The following FIBP variants were observed in gnomAD, a reference collection of about 807,000 sequenced individuals.
The protein encoded by FIBP is FGF1 intracellular binding protein, also known as acidic fibroblast growth factor intracellular-binding protein.
A neutral mutation model predicts 40.5 loss-of-function variants in FIBP; 29 were observed. That is an observed-to-expected ratio of 0.72 (90% CI 0.53 to 0.98). The LOEUF (loss-of-function observed/expected upper bound fraction) is 0.98, where lower values mean the gene tolerates loss of function less well. FIBP is among the 50% of genes least tolerant of loss of function. The probability of loss-of-function intolerance (pLI) is 0.00; values close to 1 mark genes in which losing one functional copy is unlikely to be tolerated. For synonymous variants in FIBP, 215 were observed against 191.1 expected (o/e 1.13, Z -1.03); for missense variants, 411 against 470.2 (o/e 0.87, Z 1.16).
intron 9 of FIBP, 78 bp from the exon 10 acceptor site, chr11:65,884,121 C>T (rs1565279901): frequency 8.9e-7 from 1 of 1,121,528 alleles, no homozygotes; most frequent in Non-Finnish European, 1.3e-6. Flanking sequence ...GTGCTTTCTA[C>T]ACCTTCATTC....
Position 65,885,770 on chromosome 11 carries a change from T to A in FIBP, c.513-107A>T. ...GTCCGAGTTCTGGCCTCTCTCTGCCTCAAGTCACTGTGTGACGTGTCTCAA... is the reference window on the plus strand; with the variant it reads ...GTCCGAGTTCTGGCCTCTCTCTGCCACAAGTCACTGTGTGACGTGTCTCAA... On this transcript the variant is annotated intron_variant, in intron 4 of 9. Transcript: ENST00000357519. The A allele has an allele frequency of 2.7e-6, 3 of 1,128,852 alleles. No individual in the cohort carries two copies. The South Asian group carries it at 4.4e-5, about 17-fold the overall frequency. 69.9% of individuals were successfully genotyped at this position (1,128,852 alleles called of 1,614,324 possible).
At position 65,884,055 on chromosome 11, in the gene FIBP, T is replaced by G; in HGVS notation, c.1005-12A>C. On this transcript the variant is annotated splice_polypyrimidine_tract_variant and intron_variant, in intron 9 of 9. Transcript: ENST00000357519. The stretch of plus-strand genomic sequence containing the variant: ...AGAGGGCCTGGTGTCTGTAAGAACA[T>G]GAACAGTGACAGCTGAGTTTTCACA... 2 of 1,611,136 alleles carry G rather than the reference T, an allele frequency of 1.2e-6. No homozygotes were observed. The highest frequency in any genetic ancestry group is 1.7e-6 in the Non-Finnish European group (2 of 1,178,030).
chr11:65,887,751 G>T, intron 2 of FIBP, 25 bp from the exon 3 acceptor site: 2 of 1,610,932 alleles, frequency 1.2e-6, no homozygotes, highest in South Asian at 1.1e-5. Context: ...GAACACCATT[G>T]ACCCTCCATA....
At position 65,885,083 on chromosome 11, in the gene FIBP, G is replaced by C; in HGVS notation, c.750C>G (p.His250Gln). 1.2e-6 allele frequency: 2 copies of C among 1,613,926 alleles called. No individual in the cohort carries two copies. The highest frequency in any genetic ancestry group is 1.7e-6 in the Non-Finnish European group (2 of 1,179,830). ...LVADKDLLDLHKSLVCTALRG... is the reference protein window; with the variant it reads ...LVADKDLLDLQKSLVCTALRG... ...ATGGGCCCCTACAAGGTCACCTCTTGTGCAGGTCCAGAAGGTCCTTGTCAG... is the reference window on the plus strand; with the variant it reads ...ATGGGCCCCTACAAGGTCACCTCTTCTGCAGGTCCAGAAGGTCCTTGTCAG... The change falls in exon 6 of 10, where the codon CAC (histidine) becomes CAG (glutamine). Residue 250 changes from histidine (H) to glutamine (Q), a missense_variant. Coordinates refer to ENST00000357519, the MANE Select transcript of FIBP (RefSeq NM_004214.5).
intron 4 of FIBP, 88 bp from the exon 5 acceptor site, chr11:65,885,751 G>T: frequency 7.5e-7 from 1 of 1,325,276 alleles, no homozygotes; most frequent in Non-Finnish European, 1.0e-6. Flanking sequence ...GGGTGTCCGA[G>T]TTCTGGCCTC....
At chr11:65,885,765 C>G (rs1241422659) in intron 4 of FIBP, 102 bp from the exon 5 acceptor site, 3 of 1,170,514 alleles carry the variant, frequency 2.6e-6, no homozygotes, top group Non-Finnish European at 3.7e-6. Context: ...TGGCCTCTCT[C>G]TGCCTCAAGT....
At position 65,887,542 on chromosome 11, in the gene FIBP, C is replaced by G. The variant is rs1269084340; in HGVS notation, c.411+58G>C. ...CAGAGGCTGGAACTGGGCCAGTGGCCAAAGGGAGGGAGTGAAGTGTAGATG... is the reference window on the plus strand; with the variant it reads ...CAGAGGCTGGAACTGGGCCAGTGGCGAAAGGGAGGGAGTGAAGTGTAGATG... On this transcript the variant is annotated intron_variant, in intron 3 of 9. Transcript: ENST00000357519. 9 of 1,600,118 alleles carry G rather than the reference C, an allele frequency of 5.6e-6. No individual in the cohort carries two copies. In the Admixed American group the frequency reaches 1.5e-4, roughly 27 times the overall value.
At chr11:65,887,463 A>AG (rs56831981) in intron 3 of FIBP, 137 bp downstream of exon 3, 1 of 934,152 alleles carries the variant, frequency 1.1e-6, no homozygotes. Context: ...AAAAAAAAAA[A>AG]GGAGGGGAAA....
chr11:65,888,390 C>T lies in FIBP; in HGVS notation c.29G>A (p.Gly10Glu). 5.1e-6 allele frequency: 8 copies of T among 1,567,162 alleles called. No individual in the cohort carries two copies. Among genetic ancestry groups the T allele is most frequent in the Non-Finnish European group, 6.1e-6 (7 of 1,155,504 alleles). Residue 10 changes from glycine (G) to glutamate (E), a missense_variant, in exon 1 of 10, where the codon GGG becomes GAG. Transcript: ENST00000357519. ...GTCCTCGTCGATAAGGGTCGTGTTCCCCACGAAGATGTCCAGCTCACTGGT... is the reference window on the plus strand; with the variant it reads ...GTCCTCGTCGATAAGGGTCGTGTTCTCCACGAAGATGTCCAGCTCACTGGT... MTSELDIFV[G>E]NTTLIDEDVY... is the part of the protein sequence containing the mutation.
In FIBP at chr11:65,885,163, T is replaced by A. The variant is rs902562855; in HGVS notation, c.670A>T (p.Met224Leu). Residue 224 changes from methionine to leucine, a missense_variant, in exon 6 of 10, where the codon ATG (methionine) becomes TTG (leucine). Coordinates refer to ENST00000357519, the MANE Select transcript of FIBP (RefSeq NM_004214.5). ...TGGAGAAATTCCTTGTCTAAGTCCA[T>A]GTCCATGTCATCCATCTGTGAGTCT... ...AVDSQMDDMD[M>L]DLDKEFLQDL... 5.0e-6 allele frequency: 8 copies of A among 1,605,206 alleles called. No individual in the cohort carries two copies. Among genetic ancestry groups the A allele is most frequent in the Middle Eastern group, 1.7e-4 (1 of 6,042 alleles).
At position 65,884,009 on chromosome 11, in the gene FIBP, G is replaced by C. The variant is rs1205480135; in HGVS notation, c.1039C>G (p.Leu347Val). 6.2e-7 allele frequency: 1 copy of C among 1,613,892 alleles called. No individual in the cohort carries two copies. Among genetic ancestry groups the C allele is most frequent in the Non-Finnish European group, 8.5e-7 (1 of 1,179,996 alleles). Residue 347 changes from leucine (L) to valine (V), a missense_variant, in exon 10 of 10, where the codon CTC becomes GTC. Physicochemically the swap from Leu to Val is conservative, Grantham distance 32. Coordinates refer to ENST00000357519, the MANE Select transcript of FIBP (RefSeq NM_004214.5). ...QALWDRYMGT[L>V]RGCLLRLYHD ...TACAGGCGCAGGAGGCAGCCGCGGA[G>C]GGTGCCCATGTAGCGGTCCCAGAGG...
intron 3 of FIBP, 121 bp downstream of exon 3, chr11:65,887,479 A>C: frequency 4.9e-6 from 5 of 1,028,956 alleles, no homozygotes; most frequent in Non-Finnish European, 7.5e-6. Context: ...GGAAAGGGGA[A>C]GGGAGGAGAA....
chr11:65,885,747 C>A, intron 4 of FIBP, 84 bp from the exon 5 acceptor site: 1 of 1,382,708 alleles, frequency 7.2e-7, no homozygotes. Flanking sequence ...AGCTGGGTGT[C>A]CGAGTTCTGG....
chr11:65,885,194 GC>G lies in FIBP; in HGVS notation c.647-9del. The G allele has an allele frequency of 1.7e-6, 2 of 1,195,342 alleles. No homozygotes were observed. Among genetic ancestry groups the G allele is most frequent in the Non-Finnish European group, 2.4e-6 (2 of 816,626 alleles). The allele number at this position is 1,195,342 out of a possible 1,614,324, so 74.0% of individuals were successfully genotyped here. A position where few individuals can be genotyped will look rare whatever the true frequency, so the allele number is the denominator to read the frequency against. ...TGTCATCCATCTGTGAGTCTGTGAG[GC>G]CATGAAGGGGGTGGGGGTGGGTGAT... On this transcript the variant is annotated splice_polypyrimidine_tract_variant and intron_variant, in intron 5 of 9. Transcript: ENST00000357519.
At position 65,884,359 on chromosome 11, in the gene FIBP, A is replaced by G. The variant is rs658938; in HGVS notation, c.1004+33T>C. ...CCTGGCAGGTGGCAGGCTGGGGCAA[A>G]GCCAAGCTGGACAGGAGGACAGGGC... On this transcript the variant is annotated intron_variant, in intron 9 of 9. Transcript: ENST00000357519. 0.79 allele frequency: 1,265,597 copies of G among 1,599,210 alleles called. 505,149 individuals are homozygous for G. The highest frequency in any genetic ancestry group is 0.89 in the South Asian group (80,181 of 90,404).
chr11:65,887,768 A>G, intron 2 of FIBP, 42 bp from the exon 3 acceptor site: 1 of 1,572,904 alleles, frequency 6.4e-7, no homozygotes, highest in Middle Eastern at 1.7e-4. Flanking sequence ...CATAAAAGAC[A>G]GGAAAGGGAG....
At chr11:65,885,046 AG>A in intron 6 of FIBP, 31 bp downstream of exon 6, 1 of 1,612,578 alleles carries the variant, frequency 6.2e-7, no homozygotes, top group Non-Finnish European at 8.5e-7. Context: ...CCCCTACTGC[AG>A]GCCCCGCCCC....
chr11:65,886,296 G>A (rs1232741176), intron 4 of FIBP, 26 bp downstream of exon 4: 2 of 1,521,244 alleles, frequency 1.3e-6, no homozygotes, highest in South Asian at 1.1e-5. Flanking sequence ...GTAGTGTGCG[G>A]GATGGGGAGG....
In FIBP at chr11:65,885,194, G is replaced by C; in HGVS notation, c.647-8C>G. 1 of 1,195,346 alleles carries C rather than the reference G, an allele frequency of 8.4e-7. No homozygotes were observed. Among genetic ancestry groups the C allele is most frequent in the Non-Finnish European group, 1.2e-6 (1 of 816,630 alleles). The allele number at this position is 1,195,346 out of a possible 1,614,324, so 74.0% of individuals were successfully genotyped here. On this transcript the variant is annotated splice_region_variant and splice_polypyrimidine_tract_variant and intron_variant, in intron 5 of 9. Transcript: ENST00000357519. ...TGTCATCCATCTGTGAGTCTGTGAG[G>C]CCATGAAGGGGGTGGGGGTGGGTGA...
Sources: allele counts gnomAD v4.1 joint callset, GRCh38; gene constraint gnomAD v4.1.1; transcripts MANE v1.5; gene names NCBI Gene and HGNC (gene_info 2026-07-23, HGNC 2026-07-21).